KCNB2: variants seen among roughly 807,000 people sequenced by gnomAD.
KCNB2 encodes the protein delayed rectifier potassium channel protein.
Under a neutral mutation model 61.5 loss-of-function variants are expected in KCNB2, and 15 were observed. The ratio of observed to expected loss-of-function variants is 0.24; its 90% CI spans 0.16 to 0.38. The LOEUF (loss-of-function observed/expected upper bound fraction) is 0.38, where lower values mean the gene tolerates loss of function less well. KCNB2 is among the 10% of genes least tolerant of loss of function. KCNB2 has a pLI of 1.00. For missense variants in KCNB2, 828 were observed against 1,125.2 expected (o/e 0.74, Z 3.78); for synonymous variants, 457 against 446.0 (o/e 1.02, Z -0.31).
Position 72,537,571 on chromosome 8 carries a change from G to A in KCNB2, c.-408G>A, listed in dbSNP as rs1038611941. ...GGGGATGGGGACCCCGTGTGGGGAA[G>A]GGGTTGAAGATCGATGAAGATTATT... is the stretch of plus-strand genomic sequence containing the variant. On this transcript the variant is annotated 5_prime_UTR_variant, in exon 1 of 3. Coordinates refer to ENST00000523207, the MANE Select transcript of KCNB2 (RefSeq NM_004770.3). The A allele has an allele frequency of 5.2e-5, 8 of 152,826 alleles. No individual in the cohort carries two copies. The highest frequency in any genetic ancestry group is 2.6e-4 in the Admixed American group (4 of 15,314). The allele number at this position is 152,826 out of a possible 1,614,324, so 9.5% of individuals were successfully genotyped here.
chr8:72,896,475 C>CA (rs1240873098), intron 2 of KCNB2, among the ~76,000 whole-genome samples: 1 of 152,074 alleles, frequency 6.6e-6, no homozygotes, highest in Non-Finnish European at 1.5e-5. Context: ...AAAGGTTGAG[C>CA]AAAGTCTCCT....
chr8:72,937,575 C>T lies in KCNB2; in HGVS notation c.2220C>T (p.Thr740=), dbSNP rs979187593. ...GCACAGCCAGGCCACTGCCAGTCAC[C>T]ACAGCTGACTTTTCGCTCACTACCC... ...PPSTARPLPV[T]TADFSLTTPQ... is the part of the protein sequence containing the mutation. The change falls in exon 3 of 3, where the codon ACC becomes ACT. Residue 740 remains threonine, a synonymous_variant. Transcript: ENST00000523207. 36 of 1,613,916 alleles carry T rather than the reference C, an allele frequency of 2.2e-5. No individual in the cohort carries two copies. The highest frequency in any genetic ancestry group is 3.1e-5 in the Non-Finnish European group (36 of 1,180,006).
chr8:72,609,548 T>C (rs964440748), intron 2 of KCNB2, among the ~76,000 whole-genome samples: 22 of 152,240 alleles, frequency 1.4e-4, no homozygotes, highest in African/African-American at 5.3e-4. Flanking sequence ...ACAATGAATA[T>C]TATTAGAATT....
intron 2 of KCNB2, among the ~76,000 whole-genome samples, chr8:72,775,017 T>A (rs1585886066): frequency 6.6e-6 from 1 of 151,838 alleles, no homozygotes; most frequent in Admixed American, 6.6e-5. Context: ...GTGAGAGAGG[T>A]GTCAAGGGAC....
chr8:72,590,079 G>A (rs1807070519), intron 2 of KCNB2, among the ~76,000 whole-genome samples: 1 of 152,160 alleles, frequency 6.6e-6, no homozygotes, highest in African/African-American at 2.4e-5. Context: ...CAAAGGAGGT[G>A]TTACAAGTGA....
At chr8:72,919,370 G>T (rs1437314408) in intron 2 of KCNB2, among the ~76,000 whole-genome samples, 1 of 152,188 alleles carries the variant, frequency 6.6e-6, no homozygotes, top group East Asian at 1.9e-4. Flanking sequence ...AGAAGGAAGT[G>T]ATTCTCACTA....
chr8:72,578,876 T>G (rs531418831), intron 2 of KCNB2, among the ~76,000 whole-genome samples: 4 of 152,362 alleles, frequency 2.6e-5, no homozygotes, highest in African/African-American at 9.6e-5. Context: ...GATGCATACA[T>G]TTAAAAATAA....
At chr8:72,842,568 CT>C in intron 2 of KCNB2, among the ~76,000 whole-genome samples, 1 of 152,094 alleles carries the variant, frequency 6.6e-6, no homozygotes, top group African/African-American at 2.4e-5. Flanking sequence ...TGGTCCTGGC[CT>C]TTGTTTGGTT....
At chr8:72,610,204 T>A (rs978790856) in intron 2 of KCNB2, among the ~76,000 whole-genome samples, 3 of 152,144 alleles carry the variant, frequency 2.0e-5, no homozygotes, top group African/African-American at 7.2e-5. Context: ...CCAAATCACA[T>A]CTCTTGAAGA....
In KCNB2 at chr8:72,652,955, G is replaced by A. The variant is rs755102249; in HGVS notation, c.579+84642G>A. On this transcript the variant is annotated intron_variant, in intron 2 of 2. Coordinates refer to ENST00000523207, the MANE Select transcript of KCNB2 (RefSeq NM_004770.3). ...TTCTAGAGGCAGTGAGTGGGAACCC[G>A]TAGCCTGCCTCTCTCCTAGCTTCTG... 5.3e-5 allele frequency among the ~76,000 whole-genome samples: 8 copies of A among 152,068 alleles called. No homozygotes were observed. In the South Asian group the frequency reaches 6.2e-4, roughly 12 times the overall value.
chr8:72,581,372 T>C (rs1806892896), intron 2 of KCNB2, among the ~76,000 whole-genome samples: 1 of 152,216 alleles, frequency 6.6e-6, no homozygotes, highest in African/African-American at 2.4e-5. Context: ...ATTTTGACTG[T>C]GCTGTGTTCA....
intron 1 of KCNB2, among the ~76,000 whole-genome samples, chr8:72,556,431 T>A (rs1030139408): frequency 6.6e-6 from 1 of 151,986 alleles, no homozygotes; most frequent in African/African-American, 2.4e-5. Flanking sequence ...CATACACAGA[T>A]GGATGGTTAA....
At chr8:72,841,001 T>C (rs1459493493) in intron 2 of KCNB2, among the ~76,000 whole-genome samples, 4 of 152,234 alleles carry the variant, frequency 2.6e-5, no homozygotes, top group Non-Finnish European at 5.9e-5. Flanking sequence ...TGAATGGTAT[T>C]GCCTAGGTTT....
chr8:72,574,645 C>A (rs1267908068), intron 2 of KCNB2, among the ~76,000 whole-genome samples: 24 of 152,122 alleles, frequency 1.6e-4, no homozygotes, highest in Admixed American at 1.6e-3. Flanking sequence ...TAAAAAACAT[C>A]AGATTCTTTT....
Position 72,937,369 on chromosome 8 carries a change from G to C in KCNB2, c.2014G>C (p.Val672Leu), listed in dbSNP as rs1305264880. ...ARDGTLEYAP[V>L]DITVNLDASG... is the part of the protein sequence containing the mutation. ...GGATGGCACGCTGGAGTATGCCCCAGTTGACATAACTGTGAACCTCGATGC... is the reference window on the plus strand; with the variant it reads ...GGATGGCACGCTGGAGTATGCCCCACTTGACATAACTGTGAACCTCGATGC... Residue 672 changes from valine (V) to leucine (L), a missense_variant, in exon 3 of 3, where the codon GTT becomes CTT. Physicochemically the swap from Val to Leu is conservative, Grantham distance 32 (BLOSUM62 1). Coordinates refer to ENST00000523207, the MANE Select transcript of KCNB2 (RefSeq NM_004770.3). 2 of 1,613,960 alleles carry C rather than the reference G, an allele frequency of 1.2e-6. No individual in the cohort carries two copies. The highest frequency in any genetic ancestry group is 2.7e-5 in the African/African-American group (2 of 74,894).
chr8:72,759,961 T>G (rs1808350117), intron 2 of KCNB2, among the ~76,000 whole-genome samples: 1 of 152,110 alleles, frequency 6.6e-6, no homozygotes, highest in African/African-American at 2.4e-5. Context: ...GGAAACTCAG[T>G]GTGATTGGGG....
chr8:72,558,559 A>T (rs1331818650), intron 1 of KCNB2, among the ~76,000 whole-genome samples: 1 of 152,224 alleles, frequency 6.6e-6, no homozygotes, highest in Non-Finnish European at 1.5e-5. Flanking sequence ...AATGGCAGGT[A>T]ACACGAGGTA....
chr8:72,688,400 A>G (rs904504207), intron 2 of KCNB2, among the ~76,000 whole-genome samples: 8 of 151,920 alleles, frequency 5.3e-5, no homozygotes, highest in Admixed American at 5.2e-4. Context: ...TGGAATGCCT[A>G]TTCTTCTTGG....
intron 2 of KCNB2, among the ~76,000 whole-genome samples, chr8:72,715,690 G>A (rs1264910083): frequency 1.3e-5 from 2 of 151,300 alleles, no homozygotes; most frequent in Non-Finnish European, 2.9e-5. Flanking sequence ...ATAGCACTAA[G>A]TGCCCACAAG....
Sources: allele counts gnomAD v4.1 joint callset (sites outside exome capture counted in the v4.1 genomes callset), GRCh38; gene constraint gnomAD v4.1.1; transcripts MANE v1.5; gene names NCBI Gene and HGNC (gene_info 2026-07-23, HGNC 2026-07-21).